Variants in BMP5 observed in about 807,000 individuals in gnomAD.
BMP5 encodes the protein bone morphogenetic protein 5.
Under a neutral mutation model 46.6 loss-of-function variants are expected in BMP5, and 23 were observed. The observed-to-expected ratio is 0.49, with a 90% CI of 0.35 to 0.70. The LOEUF is 0.70. Among genes scored for constraint, BMP5 ranks in the 30% least tolerant of loss-of-function variants. The probability of loss-of-function intolerance (pLI) is 0.00; values close to 1 mark genes in which losing one functional copy is unlikely to be tolerated. For missense variants in BMP5, 545 were observed against 565.6 expected (o/e 0.96, Z 0.37); for synonymous variants, 204 against 191.9 (o/e 1.06, Z -0.52).
At chr6:55,804,435 T>G (rs1775938749) in intron 2 of BMP5, among the ~76,000 whole-genome samples, 1 of 152,180 alleles carries the variant, frequency 6.6e-6, no homozygotes, top group African/African-American at 2.4e-5. Flanking sequence ...TACCAATTCC[T>G]TGATTTGGGA....
At chr6:55,792,404 G>C (rs1437286120) in intron 3 of BMP5, among the ~76,000 whole-genome samples, 9 of 152,094 alleles carry the variant, frequency 5.9e-5, no homozygotes, top group Admixed American at 5.2e-4. Flanking sequence ...CATGGTGGCA[G>C]GCGCCTGTAG....
At chr6:55,772,674 G>T in intron 4 of BMP5, 1 of 775,724 alleles carries the variant, frequency 1.3e-6, no homozygotes. Flanking sequence ...AAATAGCGTT[G>T]TAATAAGGCA....
chr6:55,857,581 T>G (rs1025415175), intron 1 of BMP5, among the ~76,000 whole-genome samples: 2 of 152,204 alleles, frequency 1.3e-5, no homozygotes, highest in Admixed American at 1.3e-4. Flanking sequence ...TGAGATTCCA[T>G]GAAAAGAAAT....
At chr6:55,850,392 A>C (rs201739323) in intron 1 of BMP5, among the ~76,000 whole-genome samples, 79 of 142,362 alleles carry the variant, frequency 5.5e-4, no homozygotes, top group South Asian at 1.1e-3. Flanking sequence ...ATAGATAGAT[A>C]GATCGATAGA....
chr6:55,759,447 A>T (rs976283866), intron 5 of BMP5, among the ~76,000 whole-genome samples: 1 of 151,924 alleles, frequency 6.6e-6, no homozygotes, highest in Admixed American at 6.6e-5. Context: ...GAATAAAACT[A>T]TTATAAGAAA....
intron 1 of BMP5, among the ~76,000 whole-genome samples, chr6:55,861,794 A>G (rs1777531524): frequency 6.6e-6 from 1 of 152,208 alleles, no homozygotes; most frequent in South Asian, 2.1e-4. Flanking sequence ...TCAATATATA[A>G]TATGTTGGAA....
chr6:55,781,783 A>AT (rs911762585), intron 3 of BMP5, among the ~76,000 whole-genome samples: 2 of 151,488 alleles, frequency 1.3e-5, no homozygotes, highest in African/African-American at 4.8e-5. Context: ...AAGTTTTTGT[A>AT]TTTTTTTAGT....
intron 3 of BMP5, among the ~76,000 whole-genome samples, chr6:55,790,331 C>T (rs984868580): frequency 7.9e-5 from 12 of 152,078 alleles, no homozygotes; most frequent in African/African-American, 2.4e-4. Context: ...TCAATACCTA[C>T]GACCTGCATT....
chr6:55,778,189 T>G (rs1775223528), intron 3 of BMP5, among the ~76,000 whole-genome samples: 1 of 151,984 alleles, frequency 6.6e-6, no homozygotes. Flanking sequence ...TTGTATGATA[T>G]CCATGTCTTG....
At chr6:55,829,028 TAATA>T (rs1776597234) in intron 1 of BMP5, among the ~76,000 whole-genome samples, 1 of 151,928 alleles carries the variant, frequency 6.6e-6, no homozygotes, top group Middle Eastern at 3.4e-3. Flanking sequence ...AATATATAAT[TAATA>T]GAGACACATT....
At chr6:55,760,799 G>C (rs981106684) in intron 4 of BMP5, among the ~76,000 whole-genome samples, 1 of 151,888 alleles carries the variant, frequency 6.6e-6, no homozygotes, top group Non-Finnish European at 1.5e-5. Flanking sequence ...CTACTTGACA[G>C]GGCACAGCAT....
intron 1 of BMP5, among the ~76,000 whole-genome samples, chr6:55,828,835 G>T (rs1356121357): frequency 6.6e-6 from 1 of 151,718 alleles, no homozygotes; most frequent in African/African-American, 2.4e-5. Flanking sequence ...ATAAATATCT[G>T]AAATCACCCA....
At chr6:55,813,103 A>G (rs541171882) in intron 2 of BMP5, among the ~76,000 whole-genome samples, 10 of 152,312 alleles carry the variant, frequency 6.6e-5, no homozygotes, top group Middle Eastern at 3.4e-3. Context: ...TTAAGAAAAA[A>G]TGAGAGCAAC....
chr6:55,832,829 G>C (rs1295780229), intron 1 of BMP5, among the ~76,000 whole-genome samples: 1 of 152,024 alleles, frequency 6.6e-6, no homozygotes, highest in Non-Finnish European at 1.5e-5. Flanking sequence ...ATAAGTCATA[G>C]TACAGGTGCA....
intron 4 of BMP5, among the ~76,000 whole-genome samples, chr6:55,764,571 CAAAAAAA>C (rs57293392): frequency 2.7e-5 from 3 of 110,188 alleles, no homozygotes; most frequent in South Asian, 2.8e-4. Flanking sequence ...GACTCTGTCT[CAAAAAAA>C]AAAAAAAAAG....
intron 2 of BMP5, among the ~76,000 whole-genome samples, chr6:55,812,905 A>G (rs765051498): frequency 6.6e-5 from 10 of 152,222 alleles, no homozygotes; most frequent in Non-Finnish European, 1.0e-4. Flanking sequence ...TTAATGCAAT[A>G]CTTGTCTCAG....
intron 4 of BMP5, among the ~76,000 whole-genome samples, chr6:55,765,249 A>T (rs1774891554): frequency 6.6e-6 from 1 of 152,160 alleles, no homozygotes; most frequent in Non-Finnish European, 1.5e-5. Context: ...TTTCTTCAGA[A>T]CATAGTATTA....
chr6:55,794,264 A>C lies in BMP5; in HGVS notation c.832+15T>G, dbSNP rs976356411. On this transcript the variant is annotated intron_variant, in intron 3 of 6. Transcript: ENST00000370830. ...AACAAGCTTCACAAAAAAATATATA[A>C]AATTCAGTGCTTACCATCCCCTGTT... is the stretch of plus-strand genomic sequence containing the variant. The C allele has an allele frequency of 2.1e-5, 34 of 1,613,712 alleles. No homozygotes were observed. The highest frequency in any genetic ancestry group is 2.9e-5 in the Non-Finnish European group (34 of 1,179,790).
chr6:55,757,829 C>A (rs1265671874), intron 6 of BMP5, among the ~76,000 whole-genome samples: 1 of 151,892 alleles, frequency 6.6e-6, no homozygotes, highest in East Asian at 1.9e-4. Context: ...CGTTCATGCT[C>A]TAGTTGTTAT....
Sources: gnomAD v4.1 joint callset for allele counts (sites outside exome capture counted in the v4.1 genomes callset) on GRCh38, gnomAD v4.1.1 for gene constraint, MANE v1.5 for transcripts, NCBI Gene and HGNC (gene_info 2026-07-23, HGNC 2026-07-21) for gene names.